The following SLC9B2 variants were observed in gnomAD, a reference collection of about 807,000 sequenced individuals.
The protein encoded by SLC9B2 is sodium/hydrogen exchanger 9B2.
In SLC9B2, 39 loss-of-function variants were observed where a neutral mutation model predicts 52.2. The observed-to-expected ratio is 0.75, with a 90% CI of 0.58 to 0.98. The LOEUF is 0.98. Ranked by LOEUF, SLC9B2 falls within the 50% of genes least tolerant of loss-of-function variation. The probability of loss-of-function intolerance (pLI) is 0.00; values close to 1 mark genes in which losing one functional copy is unlikely to be tolerated. For missense variants in SLC9B2, 626 were observed against 637.5 expected, an observed-to-expected ratio of 0.98 and a Z score of 0.19; for synonymous variants, 214 against 227.0, an observed-to-expected ratio of 0.94 and a Z score of 0.51.
chr4:103,074,532 C>A (rs184261928), intron 1 of SLC9B2, among the ~76,000 whole-genome samples: 31 of 152,288 alleles, frequency 2.0e-4, no homozygotes, highest in African/African-American at 7.0e-4. Flanking sequence ...GATCAGAACA[C>A]TGCCTTTGTA....
intron 9 of SLC9B2, among the ~76,000 whole-genome samples, chr4:103,033,285 G>C (rs745957043): frequency 1.3e-5 from 2 of 151,980 alleles, no homozygotes; most frequent in Non-Finnish European, 2.9e-5. Context: ...GATCCTAACA[G>C]AAAAATGGGC....
At chr4:103,030,874 C>G (rs1010623955) in intron 10 of SLC9B2, among the ~76,000 whole-genome samples, 1 of 152,064 alleles carries the variant, frequency 6.6e-6, no homozygotes, top group Non-Finnish European at 1.5e-5. Flanking sequence ...TGGCAAGTAC[C>G]ATTTATGAGT....
At position 103,066,489 on chromosome 4, in the gene SLC9B2, G is replaced by A. The variant is rs371165400; in HGVS notation, c.109C>T (p.Leu37Phe). Residue 37 changes from leucine (L) to phenylalanine (F), a missense_variant, in exon 3 of 12, where the codon CTC (leucine) becomes TTC (phenylalanine). Coordinates refer to ENST00000394785, the MANE Select transcript of SLC9B2 (RefSeq NM_178833.7). ...QEAQEETVMK[L>F]KGIDANEPTE... Reference sequence around the variant, plus strand: ...GGTTCATTTGCATCTATACCTTTGAGCTTCATAACTGTCTCCTCCTGTGTT... The same window carrying A: ...GGTTCATTTGCATCTATACCTTTGAACTTCATAACTGTCTCCTCCTGTGTT... The A allele has an allele frequency of 3.2e-5, 51 of 1,613,358 alleles. No homozygotes were observed. The African/African-American group carries it at 6.3e-4, about 20-fold the overall frequency.
rs528226258 is a variant in SLC9B2, at chr4:103,033,106, C to T, written c.1147-1298G>A. On this transcript the variant is annotated intron_variant, in intron 9 of 11. Coordinates refer to ENST00000394785, the MANE Select transcript of SLC9B2 (RefSeq NM_178833.7). ...TGATACAAGAACTAACTTTGTAACA[C>T]ATAATGCAAAAGACTCTAGGAAAAC... Among the ~76,000 whole-genome samples the T allele has an allele frequency of 2.6e-5, 4 of 152,204 alleles. No homozygotes were observed. In the South Asian group the frequency reaches 8.3e-4, roughly 32 times the overall value.
chr4:103,036,938 G>A (rs539587655), intron 9 of SLC9B2, among the ~76,000 whole-genome samples: 61 of 151,940 alleles, frequency 4.0e-4, no homozygotes, highest in Admixed American at 7.2e-4. Context: ...AAATAATGTC[G>A]TTTCTTTCAA....
At chr4:103,052,714 CA>C (rs940825498) in intron 4 of SLC9B2, among the ~76,000 whole-genome samples, 11 of 150,202 alleles carry the variant, frequency 7.3e-5, no homozygotes, top group African/African-American at 2.0e-4. Context: ...TATGAGGGGA[CA>C]TTTTTTTTTT....
At chr4:103,056,072 G>A (rs919352787) in intron 4 of SLC9B2, among the ~76,000 whole-genome samples, 3 of 152,024 alleles carry the variant, frequency 2.0e-5, no homozygotes, top group Admixed American at 6.6e-5. Context: ...CCAAAGTGCT[G>A]GGATTACAGG....
At chr4:103,075,112 T>C (rs949808784) in intron 1 of SLC9B2, among the ~76,000 whole-genome samples, 1 of 152,210 alleles carries the variant, frequency 6.6e-6, no homozygotes, top group Non-Finnish European at 1.5e-5. Context: ...GTTTCAACTT[T>C]AGACACATAA....
At position 103,031,753 on chromosome 4, in the gene SLC9B2, A is replaced by C; in HGVS notation, c.1202T>G (p.Phe401Cys). 1 of 1,612,918 alleles carries C rather than the reference A, an allele frequency of 6.2e-7. No homozygotes were observed. The highest frequency in any genetic ancestry group is 8.5e-7 in the Non-Finnish European group (1 of 1,179,266). The change falls in exon 10 of 12, where the codon TTT becomes TGT. Residue 401 changes from phenylalanine (F) to cysteine (C), a missense_variant. By Grantham distance (205) the Phe-to-Cys change is radical (BLOSUM62 -2). Transcript: ENST00000394785. ...VAWDIFQPLL[F>C]GLIGAEVSIA... ...AGATACCTCTGCTCCAATTAGTCCA[A>C]AAAGAAGGGGCTGAAAAATGTCCCA...
intron 9 of SLC9B2, among the ~76,000 whole-genome samples, chr4:103,035,346 G>T (rs1200496093): frequency 2.0e-5 from 3 of 152,070 alleles, no homozygotes; most frequent in Non-Finnish European, 4.4e-5. Context: ...ATTCGATGGG[G>T]TATATATACA....
At chr4:103,027,406 T>C (rs1444127469) in intron 11 of SLC9B2, among the ~76,000 whole-genome samples, 1 of 152,196 alleles carries the variant, frequency 6.6e-6, no homozygotes, top group Non-Finnish European at 1.5e-5. Context: ...GTGGACACCT[T>C]GACAACTTGA....
chr4:103,018,949 C>T (rs1046556432), downstream of SLC9B2, among the ~76,000 whole-genome samples: 13 of 152,154 alleles, frequency 8.5e-5, no homozygotes, highest in African/African-American at 2.7e-4. Context: ...TTATGAACTG[C>T]GCATGTGAGG....
At chr4:103,064,655 G>T (rs1745945520) in intron 3 of SLC9B2, among the ~76,000 whole-genome samples, 1 of 152,068 alleles carries the variant, frequency 6.6e-6, no homozygotes, top group South Asian at 2.1e-4. Context: ...TCACCATGAA[G>T]AAACGATAAA....
At chr4:103,020,361 A>G (rs1375545534), downstream of SLC9B2, 2 of 448,342 alleles carry the variant, frequency 4.5e-6, no homozygotes, top group Admixed American at 2.5e-5. Flanking sequence ...TTTCAGTCCC[A>G]AAGTTTCCAG....
chr4:103,072,626 A>G (rs895309360), intron 1 of SLC9B2, among the ~76,000 whole-genome samples: 5 of 152,236 alleles, frequency 3.3e-5, no homozygotes, highest in African/African-American at 1.2e-4. Flanking sequence ...TAAAGGAACT[A>G]TCAACTTACA....
intron 4 of SLC9B2, among the ~76,000 whole-genome samples, chr4:103,050,832 C>T (rs1017886202): frequency 1.3e-5 from 2 of 152,204 alleles, no homozygotes. Context: ...AGATAATCTA[C>T]TTTGCAAAGG....
chr4:103,049,027 T>G lies in SLC9B2; in HGVS notation c.586-7A>C. 6.2e-7 allele frequency: 1 copy of G among 1,612,230 alleles called. No individual in the cohort carries two copies. Among genetic ancestry groups the G allele is most frequent in the Non-Finnish European group, 8.5e-7 (1 of 1,179,056 alleles). On this transcript the variant is annotated splice_polypyrimidine_tract_variant and splice_region_variant and intron_variant, in intron 5 of 11. Coordinates refer to ENST00000394785, the MANE Select transcript of SLC9B2 (RefSeq NM_178833.7). The stretch of plus-strand genomic sequence containing the variant: ...CCTTTAACTTCTTCAGGGCCTGAAA[T>G]AGAAAAGTAGACATCCTAATATAAT...
intron 9 of SLC9B2, among the ~76,000 whole-genome samples, chr4:103,036,740 C>T (rs1196503472): frequency 6.6e-6 from 1 of 151,228 alleles, no homozygotes; most frequent in Non-Finnish European, 1.5e-5. Flanking sequence ...TAAGGAAACT[C>T]ACCATTTGGC....
chr4:103,021,046 G>A (rs1249835812), downstream of SLC9B2, among the ~76,000 whole-genome samples: 1 of 152,198 alleles, frequency 6.6e-6, no homozygotes, highest in Non-Finnish European at 1.5e-5. Flanking sequence ...TAGGGTTAAG[G>A]AAATGTTTTG....
Sources: gnomAD v4.1 joint callset for allele counts (sites outside exome capture counted in the v4.1 genomes callset) on GRCh38, gnomAD v4.1.1 for gene constraint, MANE v1.5 for transcripts, NCBI Gene and HGNC (gene_info 2026-07-23, HGNC 2026-07-21) for gene names.